The following KCNN2 variants were observed in gnomAD, a reference collection of about 807,000 sequenced individuals.
KCNN2 encodes potassium calcium-activated channel subfamily N member 2, also known as small conductance calcium-activated potassium channel protein 2.
A neutral mutation model predicts 55.5 loss-of-function variants in KCNN2; 24 were observed. The observed-to-expected ratio is 0.43, with a 90% CI of 0.31 to 0.61. The LOEUF (loss-of-function observed/expected upper bound fraction) is 0.61, where lower values mean the gene tolerates loss of function less well. Ranked by LOEUF, KCNN2 falls within the 20% of genes least tolerant of loss-of-function variation. The pLI is 0.08. For missense variants in KCNN2, 754 were observed against 853.6 expected (o/e 0.88, Z 1.45); for synonymous variants, 431 against 336.1 (o/e 1.28, Z -3.09).
chr5:114,357,016 G>T (rs1465352604), intron 2 of KCNN2, among the ~76,000 whole-genome samples: 1 of 151,970 alleles, frequency 6.6e-6, no homozygotes, highest in Non-Finnish European at 1.5e-5. Context: ...TATTGTAGTT[G>T]ACTCACCCAG....
In KCNN2 at chr5:114,493,451, C is replaced by T; in HGVS notation, c.2067C>T (p.Asn689=). Residue 689 remains asparagine, a synonymous_variant, in exon 7 of 8, where the codon AAC becomes AAT. Transcript: ENST00000673685. Reference sequence around the variant, plus strand: ...AGAGGAAACTGAATGACCAAGCAAACACTTTGGTGGACTTGGCAAAGGTAA... The same window carrying T: ...AGAGGAAACTGAATGACCAAGCAAATACTTTGGTGGACTTGGCAAAGGTAA... The part of the protein sequence containing the change: ...MEQRKLNDQA[N]TLVDLAKTQN... The T allele has an allele frequency of 1.2e-6, 2 of 1,610,726 alleles. No homozygotes were observed. Among genetic ancestry groups the T allele is most frequent in the South Asian group, 2.2e-5 (2 of 91,010 alleles).
intron 2 of KCNN2, among the ~76,000 whole-genome samples, chr5:114,375,242 T>C (rs935144974): frequency 6.6e-6 from 1 of 152,080 alleles, no homozygotes; most frequent in Non-Finnish European, 1.5e-5. Flanking sequence ...TAGTAGAGTG[T>C]TTAAGAAATT....
chr5:114,198,350 A>G (rs1328659493), intron 1 of KCNN2, among the ~76,000 whole-genome samples: 2 of 150,176 alleles, frequency 1.3e-5, no homozygotes, highest in Non-Finnish European at 3.0e-5. Context: ...ATACGTGTAT[A>G]TATACATAGG....
intron 2 of KCNN2, among the ~76,000 whole-genome samples, chr5:114,265,849 G>A (rs1755199509): frequency 6.6e-6 from 1 of 152,120 alleles, no homozygotes; most frequent in Non-Finnish European, 1.5e-5. Flanking sequence ...TACTCACCCT[G>A]TGCTCTTTGC....
chr5:114,372,198 TCTTA>T (rs368586322), intron 2 of KCNN2, among the ~76,000 whole-genome samples: 4 of 152,184 alleles, frequency 2.6e-5, no homozygotes, highest in African/African-American at 9.7e-5. Flanking sequence ...TATTGGTGGT[TCTTA>T]CTTGGTTTGG....
At chr5:114,406,472 G>C (rs540057923) in intron 3 of KCNN2, among the ~76,000 whole-genome samples, 1 of 149,942 alleles carries the variant, frequency 6.7e-6, no homozygotes, top group African/African-American at 2.4e-5. Context: ...TGTTATTACT[G>C]TATAAACTGC....
chr5:114,306,818 A>G (rs1756287300), intron 2 of KCNN2, among the ~76,000 whole-genome samples: 1 of 150,222 alleles, frequency 6.7e-6, no homozygotes, highest in Non-Finnish European at 1.5e-5. Context: ...CTTCTGCCTC[A>G]GCCTCCTGAG....
intron 2 of KCNN2, among the ~76,000 whole-genome samples, chr5:114,282,593 G>A (rs927557078): frequency 1.3e-5 from 2 of 152,148 alleles, no homozygotes; most frequent in Non-Finnish European, 2.9e-5. Context: ...TGAGATTTAT[G>A]TGCATCTGTG....
At chr5:114,139,955 A>C (rs139115656) in intron 1 of KCNN2, among the ~76,000 whole-genome samples, 69 of 152,218 alleles carry the variant, frequency 4.5e-4, no homozygotes, top group African/African-American at 1.7e-3. Context: ...TGAATACAGA[A>C]ATACATACTT....
intron 2 of KCNN2, among the ~76,000 whole-genome samples, chr5:114,390,911 C>T (rs1363072818): frequency 6.6e-6 from 1 of 151,992 alleles, no homozygotes; most frequent in African/African-American, 2.4e-5. Context: ...AGGTGCGGGC[C>T]TGGTGGTAAG....
At chr5:114,327,044 C>A (rs777516884) in intron 2 of KCNN2, among the ~76,000 whole-genome samples, 6 of 152,010 alleles carry the variant, frequency 3.9e-5, no homozygotes, top group African/African-American at 1.4e-4. Flanking sequence ...CACACACAGA[C>A]GTAAATGAGA....
rs1752235420 is a variant in KCNN2, at chr5:114,139,573, A to C, written c.-270-81907A>C. Among the ~76,000 whole-genome samples the C allele has an allele frequency of 2.0e-5, 3 of 150,052 alleles. No homozygotes were observed. In the South Asian group the frequency reaches 6.2e-4, roughly 31 times the overall value. On this transcript the variant is annotated intron_variant, in intron 1 of 10. Transcript: ENST00000512097. Reference sequence around the variant, plus strand: ...TGGCTGAATAGATATTATAATAATAATTTAATGAATAATATTTATATACTC... The same window carrying C: ...TGGCTGAATAGATATTATAATAATACTTTAATGAATAATATTTATATACTC...
At chr5:114,179,830 A>C (rs1753205643) in intron 1 of KCNN2, among the ~76,000 whole-genome samples, 1 of 152,172 alleles carries the variant, frequency 6.6e-6, no homozygotes, top group Non-Finnish European at 1.5e-5. Context: ...CAAATACCGC[A>C]TTCTCACACC....
chr5:114,375,153 A>G (rs1442871745), intron 2 of KCNN2, among the ~76,000 whole-genome samples: 1 of 152,158 alleles, frequency 6.6e-6, no homozygotes, highest in East Asian at 1.9e-4. Context: ...GTGCTATTTC[A>G]TGAACTGTTT....
At position 114,421,590 on chromosome 5, in the gene KCNN2, C is replaced by A. The variant is rs146645419; in HGVS notation, c.1637+16734C>A. Among the ~76,000 whole-genome samples the A allele has an allele frequency of 6.5e-3, 981 of 151,926 alleles. 5 individuals are homozygous for A. Among genetic ancestry groups the A allele is most frequent in the Non-Finnish European group, 9.8e-3 (669 of 67,962 alleles). ...TATAAGTATTCTCTTTTCTCTACAA[C>A]CTCCCCAGCATCTGTTTTTGTTTTG... On this transcript the variant is annotated intron_variant, in intron 3 of 7. Coordinates refer to ENST00000673685, the MANE Select transcript of KCNN2 (RefSeq NM_021614.4).
chr5:114,091,682 TATAATC>T (rs1333288136), intron 1 of KCNN2, among the ~76,000 whole-genome samples: 1 of 152,214 alleles, frequency 6.6e-6, no homozygotes, highest in Non-Finnish European at 1.5e-5. Context: ...CTGGGAAACT[TATAATC>T]ATAGTTGAAG....
At chr5:114,071,157 G>C (rs1467942631) in intron 1 of KCNN2, among the ~76,000 whole-genome samples, 2 of 152,148 alleles carry the variant, frequency 1.3e-5, no homozygotes, top group African/African-American at 4.8e-5. Flanking sequence ...TTTATTAAAG[G>C]ATGTTATATA....
rs113199942 is a variant in KCNN2 at position 114,362,148 on chromosome 5, C to T, written c.9C>T (p.Thr3=). 1.6e-4 allele frequency: 27 copies of T among 167,288 alleles called. No individual in the cohort carries two copies. The highest frequency in any genetic ancestry group is 4.8e-4 in the African/African-American group (20 of 41,702). The allele number at this position is 167,288 out of a possible 1,614,324, so 10.4% of individuals were successfully genotyped here. A position where few individuals can be genotyped will look rare whatever the true frequency, so the allele number is the denominator to read the frequency against. The change falls in exon 1 of 8, where the codon ACC becomes ACT. Residue 3 remains threonine, a synonymous_variant. Coordinates refer to ENST00000673685, the MANE Select transcript of KCNN2 (RefSeq NM_021614.4). ...GCTTTAACAGCCCTGACATGGAAAC[C>T]CCATTGCAGTTCCAGCGCGGCTTCT... ME[T]PLQFQRGFFP... is the part of the protein sequence containing the mutation.
chr5:114,357,295 A>T (rs983121673), upstream of KCNN2, among the ~76,000 whole-genome samples: 22 of 145,438 alleles, frequency 1.5e-4, no homozygotes, highest in Non-Finnish European at 2.3e-4. Flanking sequence ...ACAACATGAA[A>T]TTTTTTTTTT....
Sources: gnomAD v4.1 joint callset for allele counts (sites outside exome capture counted in the v4.1 genomes callset) on GRCh38, gnomAD v4.1.1 for gene constraint, MANE v1.5 for transcripts, NCBI Gene and HGNC (gene_info 2026-07-23, HGNC 2026-07-21) for gene names.